Variants in INTS9 observed in about 807,000 individuals in gnomAD.
The protein encoded by INTS9 is integrator complex subunit 9, also known as protein related to CPSF subunits of 74 kDa.
In INTS9, 55 loss-of-function variants were observed where a neutral mutation model predicts 79.7. That is an observed-to-expected ratio of 0.69 (90% CI 0.56 to 0.86). INTS9 has a LOEUF of 0.86. INTS9 is among the 40% of genes least tolerant of loss of function. The pLI is 0.00. For synonymous variants in INTS9, 319 were observed against 325.2 expected, an observed-to-expected ratio of 0.98 and a Z score of 0.20; for missense variants, 721 against 831.5, an observed-to-expected ratio of 0.87 and a Z score of 1.64.
chr8:28,771,407 G>C (rs1008271181), intron 14 of INTS9, among the ~76,000 whole-genome samples: 2 of 152,096 alleles, frequency 1.3e-5, no homozygotes, highest in East Asian at 3.9e-4. Flanking sequence ...GGCTTTACCT[G>C]GGGGGTGGTA....
chr8:28,848,256 T>C (rs1807642083), intron 3 of INTS9, among the ~76,000 whole-genome samples: 1 of 152,228 alleles, frequency 6.6e-6, no homozygotes, highest in Non-Finnish European at 1.5e-5. Context: ...AATTTTTTTC[T>C]ATTATGTTTC....
rs182335296 is a variant in INTS9 at position 28,860,300 on chromosome 8, A to T, written c.10-737T>A. ...ATGTTGTGGCAGTGACAGATCTGCC[A>T]CACTGAAAATATCTATATGGGACAT... On this transcript the variant is annotated intron_variant, in intron 1 of 16. Transcript: ENST00000521022. Among the ~76,000 whole-genome samples the T allele has an allele frequency of 7.2e-5, 11 of 152,338 alleles. No individual in the cohort carries two copies. In the East Asian group the frequency reaches 2.1e-3, roughly 29 times the overall value.
chr8:28,852,433 T>C (rs1807897875), intron 2 of INTS9, among the ~76,000 whole-genome samples: 2 of 152,210 alleles, frequency 1.3e-5, no homozygotes, highest in African/African-American at 4.8e-5. Flanking sequence ...CATAGTCATA[T>C]ATTTTGAAGA....
chr8:28,811,364 TC>T (rs1455169677), intron 8 of INTS9, among the ~76,000 whole-genome samples: 1 of 152,042 alleles, frequency 6.6e-6, no homozygotes, highest in African/African-American at 2.4e-5. Flanking sequence ...CCTAAAGTGA[TC>T]CACTCGCCTT....
chr8:28,771,962 G>A (rs1802567370), intron 14 of INTS9, among the ~76,000 whole-genome samples: 1 of 152,162 alleles, frequency 6.6e-6, no homozygotes, highest in African/African-American at 2.4e-5. Context: ...CTGGGCTCAA[G>A]TGATGTTCCC....
rs1802994627 is a variant in INTS9, at chr8:28,777,962, AG to A, written c.1271-10del. The A allele has an allele frequency of 6.2e-7, 1 of 1,600,194 alleles. No homozygotes were observed. Among genetic ancestry groups the A allele is most frequent in the Non-Finnish European group, 8.5e-7 (1 of 1,174,628 alleles). On this transcript the variant is annotated splice_polypyrimidine_tract_variant and intron_variant, in intron 12 of 16. Transcript: ENST00000521022. ...GTAGGAGAAGTCTGGTTCTAGGGAA[AG>A]TACAAGAAAGAAATCTTACAATGCA... is the stretch of plus-strand genomic sequence containing the variant.
chr8:28,816,742 A>AC (rs1340633704), intron 6 of INTS9, among the ~76,000 whole-genome samples: 1 of 145,700 alleles, frequency 6.9e-6, no homozygotes, highest in Non-Finnish European at 1.5e-5. Context: ...GACTTCCACA[A>AC]TGGTTGAACT....
At chr8:28,881,412 C>T (rs1160079033) in intron 1 of INTS9, among the ~76,000 whole-genome samples, 3 of 144,164 alleles carry the variant, frequency 2.1e-5, no homozygotes, top group Admixed American at 6.8e-5. Context: ...CCAGCCGCCC[C>T]GCCCGGGAGG....
intron 6 of INTS9, among the ~76,000 whole-genome samples, chr8:28,816,877 T>C (rs1468839245): frequency 6.6e-6 from 1 of 152,162 alleles, no homozygotes; most frequent in Non-Finnish European, 1.5e-5. Flanking sequence ...CTCATTGTGG[T>C]TTTCATTTGC....
At chr8:28,882,548 GA>G (rs376509452) in intron 1 of INTS9, among the ~76,000 whole-genome samples, 10,412 of 74,760 alleles carry the variant, frequency 0.14, 410 homozygotes, top group African/African-American at 0.2. Flanking sequence ...AAAAAAAAAA[GA>G]AAAAAAAAAA....
At chr8:28,799,810 T>C (rs1359912622) in intron 8 of INTS9, among the ~76,000 whole-genome samples, 1 of 152,216 alleles carries the variant, frequency 6.6e-6, no homozygotes, top group Non-Finnish European at 1.5e-5. Flanking sequence ...CGGGGACCCC[T>C]AGCCAGCAAC....
At chr8:28,769,748 C>G in intron 16 of INTS9, 141 bp downstream of exon 16, 1 of 1,123,006 alleles carries the variant, frequency 8.9e-7, no homozygotes, top group East Asian at 2.5e-5. Context: ...CCAGCAGGAC[C>G]TTAGACCAAA....
chr8:28,806,659 T>C (rs1804835136), intron 8 of INTS9, among the ~76,000 whole-genome samples: 1 of 152,260 alleles, frequency 6.6e-6, no homozygotes, highest in African/African-American at 2.4e-5. Flanking sequence ...AGGATATGTT[T>C]ATTATAATGC....
intron 14 of INTS9, among the ~76,000 whole-genome samples, chr8:28,775,138 C>T (rs753680243): frequency 1.3e-4 from 20 of 152,168 alleles, no homozygotes; most frequent in Non-Finnish European, 2.6e-4. Flanking sequence ...AGAGAAAAGT[C>T]ACCATCCTAT....
At chr8:28,860,792 T>A (rs1309731571) in intron 1 of INTS9, among the ~76,000 whole-genome samples, 1 of 152,186 alleles carries the variant, frequency 6.6e-6, no homozygotes, top group African/African-American at 2.4e-5. Flanking sequence ...CTCTCCTGAT[T>A]TAAGCACAAA....
rs904962649 is a variant in INTS9, at chr8:28,859,514, T to C, written c.59A>G (p.Lys20Arg). The C allele has an allele frequency of 6.8e-6, 11 of 1,614,076 alleles. No homozygotes were observed. The highest frequency in any genetic ancestry group is 3.3e-5 in the Admixed American group (2 of 60,006). Residue 20 changes from lysine (K) to arginine (R), a missense_variant, in exon 2 of 17, where the codon AAA becomes AGA. Lys to Arg is a conservative substitution (Grantham distance 26). Transcript: ENST00000521022. ...GCAGTCCAACATAATGGTGGTTGAT[T>C]TGAATTTGAGCACATTGCATGGTAA... ...PTLPCNVLKF[K>R]STTIMLDCGL...
chr8:28,786,610 G>A (rs1803605331), intron 11 of INTS9, among the ~76,000 whole-genome samples: 1 of 152,124 alleles, frequency 6.6e-6, no homozygotes, highest in Non-Finnish European at 1.5e-5. Context: ...AGATTTGTGT[G>A]TGTGTCTTTT....
intron 11 of INTS9, 71 bp from the exon 12 acceptor site, chr8:28,781,065 G>A: frequency 1.6e-6 from 2 of 1,239,998 alleles, no homozygotes; most frequent in South Asian, 2.6e-5. Context: ...AAGTACGGGA[G>A]GGTGAGCGGG....
intron 10 of INTS9, among the ~76,000 whole-genome samples, chr8:28,791,830 G>A (rs571514848): frequency 2.0e-5 from 3 of 152,280 alleles, no homozygotes; most frequent in African/African-American, 7.2e-5. Context: ...GAGTTTAAGA[G>A]TCTACGGGAG....
Sources: allele counts gnomAD v4.1 joint callset (sites outside exome capture counted in the v4.1 genomes callset), GRCh38; gene constraint gnomAD v4.1.1; transcripts MANE v1.5; gene names NCBI Gene and HGNC (gene_info 2026-07-23, HGNC 2026-07-21).